The following NCKAP5 variants were observed in gnomAD, a reference collection of about 807,000 sequenced individuals.
NCKAP5 encodes NCK associated protein 5.
In NCKAP5, 92 loss-of-function variants were observed where a neutral mutation model predicts 167.0. The ratio of observed to expected loss-of-function variants is 0.55; its 90% CI spans 0.47 to 0.66. The LOEUF (loss-of-function observed/expected upper bound fraction) is 0.66, where lower values mean the gene tolerates loss of function less well. Ranked by LOEUF, NCKAP5 falls within the 30% of genes least tolerant of loss-of-function variation. NCKAP5 has a pLI of 0.00. For synonymous variants in NCKAP5, 891 were observed against 877.4 expected (o/e 1.02, Z -0.27); for missense variants, 2,378 against 2,315.0 (o/e 1.03, Z -0.56).
intron 3 of NCKAP5, among the ~76,000 whole-genome samples, chr2:133,305,205 C>T (rs1680693256): frequency 6.6e-6 from 1 of 152,106 alleles, no homozygotes; most frequent in Admixed American, 6.6e-5. Context: ...TTTGTTCATT[C>T]TGATTATCTC....
rs1246756283 is a variant in NCKAP5 at position 132,920,796 on chromosome 2, T to C, written c.580-41880A>G. ...GTATATATATATATATATATATATA[T>C]ATATATATATATATATATATATGGA... On this transcript the variant is annotated intron_variant, in intron 8 of 19. Transcript: ENST00000409261. Among the ~76,000 whole-genome samples, 16 of 103,758 alleles carry C rather than the reference T, an allele frequency of 1.5e-4. 1 individual carries two copies. The highest frequency in any genetic ancestry group is 5.0e-4 in the African/African-American group (13 of 25,902). 68.1% of individuals were successfully genotyped at this position (103,758 alleles called of 152,430 possible). A position where few individuals can be genotyped will look rare whatever the true frequency, so the allele number is the denominator to read the frequency against.
At chr2:132,894,349 C>A (rs370087401) in intron 8 of NCKAP5, among the ~76,000 whole-genome samples, 1 of 152,066 alleles carries the variant, frequency 6.6e-6, no homozygotes, top group Non-Finnish European at 1.5e-5. Flanking sequence ...TCCGCCAGGG[C>A]GATAAGGTCT....
chr2:133,632,677 G>GA, the NCKAP5 span, among the ~76,000 whole-genome samples: 1 of 152,120 alleles, frequency 6.6e-6, no homozygotes, highest in Non-Finnish European at 1.5e-5. Flanking sequence ...TCTCCTCCAG[G>GA]AAAGCACATT....
intron 3 of NCKAP5, among the ~76,000 whole-genome samples, chr2:133,392,724 T>C (rs928652473): frequency 6.6e-6 from 1 of 152,222 alleles, no homozygotes; most frequent in Non-Finnish European, 1.5e-5. Flanking sequence ...TATATCCATT[T>C]ATCCAAGTCC....
At chr2:133,662,071 T>C in the NCKAP5 span, among the ~76,000 whole-genome samples, 1 of 152,188 alleles carries the variant, frequency 6.6e-6, no homozygotes, top group African/African-American at 2.4e-5. Context: ...TGTCTCCTTA[T>C]CTGTGAATGT....
At chr2:133,479,897 T>TGGGTTA (rs1044904751) in intron 3 of NCKAP5, among the ~76,000 whole-genome samples, 11 of 151,670 alleles carry the variant, frequency 7.3e-5, no homozygotes, top group African/African-American at 2.4e-4. Context: ...ATATGGGCAT[T>TGGGTTA]GGGTTAGGGT....
intron 3 of NCKAP5, among the ~76,000 whole-genome samples, chr2:133,496,162 G>T (rs933373192): frequency 8.5e-5 from 13 of 152,186 alleles, no homozygotes; most frequent in Admixed American, 2.6e-4. Context: ...GATTGATTAC[G>T]AAGGGATTAC....
the NCKAP5 span, among the ~76,000 whole-genome samples, chr2:133,652,674 G>A: frequency 0.03 from 4,498 of 152,246 alleles, 239 homozygotes; most frequent in African/African-American, 0.1. Flanking sequence ...AAAAACTACT[G>A]GGGGAATAAG....
intron 8 of NCKAP5, chr2:132,910,985 C>A (rs550430354): frequency 6.0e-6 from 1 of 167,302 alleles, no homozygotes; most frequent in South Asian, 1.5e-4. Flanking sequence ...GATGCCACAT[C>A]TCTTGGGCCT....
chr2:132,822,026 GGC>G (rs1237014756), intron 11 of NCKAP5, among the ~76,000 whole-genome samples: 1 of 152,112 alleles, frequency 6.6e-6, no homozygotes, highest in Non-Finnish European at 1.5e-5. Context: ...GCCATCTTAG[GGC>G]AAGCTTAGAG....
At chr2:133,167,864 G>C (rs1354724471) in intron 5 of NCKAP5, among the ~76,000 whole-genome samples, 2 of 151,976 alleles carry the variant, frequency 1.3e-5, no homozygotes, top group African/African-American at 4.8e-5. Context: ...ACAGATTCCT[G>C]CTCCCCACCT....
chr2:133,578,917 C>T, the NCKAP5 span, among the ~76,000 whole-genome samples: 1 of 152,124 alleles, frequency 6.6e-6, no homozygotes, highest in African/African-American at 2.4e-5. Context: ...ATCTGGAGAG[C>T]CACACAATGA....
intron 5 of NCKAP5, among the ~76,000 whole-genome samples, chr2:133,203,186 T>C (rs1418462687): frequency 1.3e-5 from 2 of 152,126 alleles, no homozygotes; most frequent in Admixed American, 1.3e-4. Flanking sequence ...GTGGCACATA[T>C]ACACCATGGA....
intron 8 of NCKAP5, among the ~76,000 whole-genome samples, chr2:132,943,857 C>T (rs901304576): frequency 1.3e-5 from 2 of 152,202 alleles, no homozygotes. Context: ...AAAGACCTTA[C>T]CAATGAGAGT....
intron 6 of NCKAP5, among the ~76,000 whole-genome samples, chr2:133,065,074 G>A (rs963601408): frequency 5.3e-5 from 8 of 152,104 alleles, no homozygotes; most frequent in Non-Finnish European, 1.5e-5. Flanking sequence ...TTGTTTTAAA[G>A]TGTTGATTGC....
intron 4 of NCKAP5, among the ~76,000 whole-genome samples, chr2:133,278,380 T>A (rs2089814319): frequency 6.6e-6 from 1 of 152,154 alleles, no homozygotes; most frequent in Non-Finnish European, 1.5e-5. Context: ...CTACATTCCT[T>A]GGTCCATGGC....
chr2:133,566,726 A>C (rs1688581066), intron 1 of NCKAP5, among the ~76,000 whole-genome samples: 1 of 152,226 alleles, frequency 6.6e-6, no homozygotes, highest in Non-Finnish European at 1.5e-5. Flanking sequence ...GCTCTTGGAC[A>C]ATCACTTCTC....
intron 2 of NCKAP5, among the ~76,000 whole-genome samples, chr2:133,553,632 G>T (rs957647986): frequency 1.3e-5 from 2 of 152,126 alleles, no homozygotes; most frequent in Admixed American, 1.3e-4. Flanking sequence ...CACAGAAGCA[G>T]GAAGGAGCCT....
intron 19 of NCKAP5, among the ~76,000 whole-genome samples, chr2:132,690,046 G>A (rs149559666): frequency 6.8e-4 from 104 of 152,138 alleles, no homozygotes; most frequent in East Asian, 3.3e-3. Flanking sequence ...TTGCCTGTTT[G>A]TTCTCAGAAA....
Sources: allele counts gnomAD v4.1 joint callset (sites outside exome capture counted in the v4.1 genomes callset), GRCh38; gene constraint gnomAD v4.1.1; transcripts MANE v1.5; gene names NCBI Gene and HGNC (gene_info 2026-07-23, HGNC 2026-07-21).